The following GUCY1A2 variants were observed in gnomAD, a reference collection of about 807,000 sequenced individuals.
GUCY1A2 encodes the protein guanylate cyclase 1 soluble subunit alpha 2.
A neutral mutation model predicts 63.5 loss-of-function variants in GUCY1A2; 27 were observed. The ratio of observed to expected loss-of-function variants is 0.43; its 90% CI spans 0.31 to 0.59. The LOEUF is 0.59. GUCY1A2 is among the 20% of genes least tolerant of loss of function. GUCY1A2 has a pLI of 0.11. For missense variants in GUCY1A2, 768 were observed against 913.3 expected, an observed-to-expected ratio of 0.84 and a Z score of 2.05; for synonymous variants, 364 against 343.5, an observed-to-expected ratio of 1.06 and a Z score of -0.66.
At chr11:106,746,841 T>C (rs1006704962) in intron 6 of GUCY1A2, among the ~76,000 whole-genome samples, 1 of 152,140 alleles carries the variant, frequency 6.6e-6, no homozygotes, top group African/African-American at 2.4e-5. Context: ...TGAGAGAATA[T>C]TCCAAGGGAA....
rs1457219660 is a variant in GUCY1A2 at position 106,677,584 on chromosome 11, T to C, written c.*9965A>G. 1 of 208,342 alleles carries C rather than the reference T, an allele frequency of 4.8e-6. No homozygotes were observed. The highest frequency in any genetic ancestry group is 9.8e-6 in the Non-Finnish European group (1 of 102,238). 12.9% of individuals were successfully genotyped at this position (208,342 alleles called of 1,614,324 possible). Reference sequence around the variant, plus strand: ...CTCTAATTAGCATATTTATTAAATTTCTTGTTTGTTTTATCAAAGTTTTGA... The same window carrying C: ...CTCTAATTAGCATATTTATTAAATTCCTTGTTTGTTTTATCAAAGTTTTGA... On this transcript the variant is annotated 3_prime_UTR_variant, in exon 8 of 8. Transcript: ENST00000526355.
chr11:107,002,938 A>G (rs1173687985), intron 1 of GUCY1A2, among the ~76,000 whole-genome samples: 1 of 152,164 alleles, frequency 6.6e-6, no homozygotes, highest in Non-Finnish European at 1.5e-5. Flanking sequence ...ATATTCCTAC[A>G]TTCCCCTTGA....
chr11:106,875,063 G>A (rs1257648354), intron 4 of GUCY1A2, among the ~76,000 whole-genome samples: 3 of 151,986 alleles, frequency 2.0e-5, no homozygotes, highest in Non-Finnish European at 4.4e-5. Flanking sequence ...CCATAAATAG[G>A]AAAAATATGA....
At chr11:106,852,499 T>G (rs1859369711) in intron 4 of GUCY1A2, among the ~76,000 whole-genome samples, 1 of 152,108 alleles carries the variant, frequency 6.6e-6, no homozygotes, top group Non-Finnish European at 1.5e-5. Context: ...TGTGCCTAAT[T>G]TGTTGAGTCT....
chr11:106,975,613 A>G (rs532324197), intron 3 of GUCY1A2, among the ~76,000 whole-genome samples: 1 of 152,338 alleles, frequency 6.6e-6, no homozygotes, highest in Non-Finnish European at 1.5e-5. Flanking sequence ...TATGGTGAAG[A>G]GATGGCAAGA....
At chr11:106,771,620 C>T (rs890434043) in intron 6 of GUCY1A2, among the ~76,000 whole-genome samples, 13 of 151,928 alleles carry the variant, frequency 8.6e-5, no homozygotes, top group Non-Finnish European at 7.4e-5. Flanking sequence ...GGTGTGGTTC[C>T]ACATGTTTGT....
chr11:106,834,913 G>T (rs551868722), intron 4 of GUCY1A2, among the ~76,000 whole-genome samples: 147 of 152,100 alleles, frequency 9.7e-4, no homozygotes, highest in African/African-American at 3.3e-3. Context: ...TTCTAGGTTT[G>T]TAATGTCTCC....
chr11:106,785,332 C>G (rs1350923217), intron 5 of GUCY1A2, among the ~76,000 whole-genome samples: 1 of 152,144 alleles, frequency 6.6e-6, no homozygotes, highest in Non-Finnish European at 1.5e-5. Flanking sequence ...CAAAGTCTAT[C>G]TCAGCACTCA....
At chr11:106,873,330 T>C (rs1335090390) in intron 4 of GUCY1A2, among the ~76,000 whole-genome samples, 1 of 152,178 alleles carries the variant, frequency 6.6e-6, no homozygotes, top group East Asian at 1.9e-4. Flanking sequence ...TTCTAGATCC[T>C]TGAGGAATCA....
intron 4 of GUCY1A2, among the ~76,000 whole-genome samples, chr11:106,907,741 T>G (rs1208864433): frequency 6.6e-6 from 1 of 152,062 alleles, no homozygotes; most frequent in Non-Finnish European, 1.5e-5. Flanking sequence ...GAACTCATCA[T>G]TTTTTATGGC....
chr11:106,736,290 T>C (rs928439937), intron 6 of GUCY1A2, among the ~76,000 whole-genome samples: 3 of 152,168 alleles, frequency 2.0e-5, no homozygotes, highest in Non-Finnish European at 4.4e-5. Flanking sequence ...ATCTTTAATC[T>C]ATTTTGATTT....
intron 4 of GUCY1A2, 64 bp from the exon 5 acceptor site, chr11:106,810,542 T>C (rs1319944421): frequency 1.1e-5 from 14 of 1,324,456 alleles, no homozygotes; most frequent in African/African-American, 8.8e-5. Context: ...AAATTTAATA[T>C]ATTATCTGAT....
intron 3 of GUCY1A2, among the ~76,000 whole-genome samples, chr11:106,962,371 G>A (rs962346561): frequency 7.2e-6 from 1 of 138,374 alleles, no homozygotes; most frequent in African/African-American, 2.8e-5. Context: ...CTAACATGGT[G>A]AAACCCCATC....
intron 4 of GUCY1A2, among the ~76,000 whole-genome samples, chr11:106,867,281 T>C (rs1333588688): frequency 6.6e-6 from 1 of 152,102 alleles, no homozygotes; most frequent in African/African-American, 2.4e-5. Flanking sequence ...GACATAAAGA[T>C]ATTTATCAGC....
At chr11:106,799,922 A>C (rs1413460227) in intron 5 of GUCY1A2, among the ~76,000 whole-genome samples, 1 of 152,240 alleles carries the variant, frequency 6.6e-6, no homozygotes, top group Non-Finnish European at 1.5e-5. Context: ...GCTTCTGCAC[A>C]GCAAAAGAAA....
At chr11:106,765,739 T>G (rs1479317936) in intron 6 of GUCY1A2, among the ~76,000 whole-genome samples, 2 of 152,112 alleles carry the variant, frequency 1.3e-5, no homozygotes, top group Non-Finnish European at 2.9e-5. Flanking sequence ...CTCTGTTTCT[T>G]CAACTTCAGG....
At chr11:106,859,047 T>C (rs1279297721) in intron 4 of GUCY1A2, among the ~76,000 whole-genome samples, 1 of 152,096 alleles carries the variant, frequency 6.6e-6, no homozygotes, top group East Asian at 1.9e-4. Flanking sequence ...CCCTGGCCTC[T>C]TTTTGTCATA....
intron 4 of GUCY1A2, among the ~76,000 whole-genome samples, chr11:106,930,668 A>G (rs1370765689): frequency 6.6e-6 from 1 of 152,236 alleles, no homozygotes; most frequent in African/African-American, 2.4e-5. Context: ...TAAGTTCTGG[A>G]ACTCAATTAT....
At chr11:106,836,403 A>T (rs780203156) in intron 4 of GUCY1A2, among the ~76,000 whole-genome samples, 1 of 152,048 alleles carries the variant, frequency 6.6e-6, no homozygotes, top group South Asian at 2.1e-4. Context: ...ATATTTATCA[A>T]TACCATAAGT....
Sources: gnomAD v4.1 joint callset for allele counts (sites outside exome capture counted in the v4.1 genomes callset) on GRCh38, gnomAD v4.1.1 for gene constraint, MANE v1.5 for transcripts, NCBI Gene and HGNC (gene_info 2026-07-23, HGNC 2026-07-21) for gene names.